PIK3C2A: variants seen among roughly 807,000 people sequenced by gnomAD.
The protein encoded by PIK3C2A is phosphatidylinositol 4-phosphate 3-kinase C2 domain-containing subunit alpha.
Under a neutral mutation model 204.5 loss-of-function variants are expected in PIK3C2A, and 97 were observed. The ratio of observed to expected loss-of-function variants is 0.47; its 90% confidence interval spans 0.40 to 0.56. PIK3C2A has a LOEUF of 0.56. Ranked by LOEUF, PIK3C2A falls within the 20% of genes least tolerant of loss-of-function variation. The pLI is 0.00. For missense variants in PIK3C2A, 1,735 were observed against 1,969.2 expected (o/e 0.88, Z 2.25); for synonymous variants, 653 against 664.4 (o/e 0.98, Z 0.26).
chr11:17,183,103 C>A (rs1414307539), intron 1 of PIK3C2A, among the ~76,000 whole-genome samples: 1 of 152,104 alleles, frequency 6.6e-6, no homozygotes. Flanking sequence ...CTTGGCTTCC[C>A]AAAGTGCTGG....
chr11:17,114,168 CT>C (rs760990389), intron 20 of PIK3C2A, among the ~76,000 whole-genome samples, 192 bp downstream of exon 20: 10 of 151,028 alleles, frequency 6.6e-5, no homozygotes, highest in African/African-American at 1.7e-4. Context: ...TAATTTTATA[CT>C]TTTTTTTTCC....
chr11:17,192,572 G>A (rs1041391760), intron 1 of PIK3C2A, among the ~76,000 whole-genome samples: 1 of 152,114 alleles, frequency 6.6e-6, no homozygotes, highest in Non-Finnish European at 1.5e-5. Context: ...TCAGCCTCCT[G>A]AGTAACTGGG....
chr11:17,136,896 T>C (rs900840708), intron 8 of PIK3C2A, among the ~76,000 whole-genome samples: 1 of 152,194 alleles, frequency 6.6e-6, no homozygotes, highest in African/African-American at 2.4e-5. Context: ...GAAGCATAAA[T>C]TAGTAGCAAA....
chr11:17,202,588 A>G (rs940477383), intron 1 of PIK3C2A, among the ~76,000 whole-genome samples: 20 of 152,126 alleles, frequency 1.3e-4, no homozygotes, highest in African/African-American at 4.8e-4. Flanking sequence ...AAAAAAAAGA[A>G]CAGAACACTG....
chr11:17,094,446 G>A (rs776856234), intron 27 of PIK3C2A, 61 bp from the exon 28 acceptor site: 35 of 1,379,440 alleles, frequency 2.5e-5, no homozygotes, highest in African/African-American at 2.9e-5. Flanking sequence ...TTTCCAGGCC[G>A]GGTGCAGTGG....
Position 17,099,910 on chromosome 11 carries a change from A to C in PIK3C2A, c.4068T>G (p.Asp1356Glu), listed in dbSNP as rs2137280857. The change falls in exon 26 of 33, where the codon GAT becomes GAG. Residue 1356 changes from aspartate to glutamate, a missense_variant. Asp to Glu is a conservative substitution (Grantham distance 45). Transcript: ENST00000691414. The stretch of plus-strand genomic sequence containing the variant: ...CGTCTGTAGTTTGGGGTTGAAGTGC[A>C]TCTCTAACGTATTTCAAATCTTGAA... ...TSIQDLKYVR[D>E]ALQPQTTDAE... 6.3e-7 allele frequency: 1 copy of C among 1,598,642 alleles called. No homozygotes were observed. Among genetic ancestry groups the C allele is most frequent in the East Asian group, 2.2e-5 (1 of 44,754 alleles).
chr11:17,112,382 T>C (rs1590920059), intron 21 of PIK3C2A, among the ~76,000 whole-genome samples, 192 bp downstream of exon 21: 1 of 151,862 alleles, frequency 6.6e-6, no homozygotes, highest in African/African-American at 2.4e-5. Context: ...GAACCCAGGA[T>C]GTGGAGGTTG....
At chr11:17,097,909 T>C (rs1230149083) in intron 26 of PIK3C2A, among the ~76,000 whole-genome samples, 1 of 152,090 alleles carries the variant, frequency 6.6e-6, no homozygotes, top group Non-Finnish European at 1.5e-5. Flanking sequence ...AGTGAGACTG[T>C]CTCCAAAAAA....
Position 17,117,487 on chromosome 11 carries a change from A to C in PIK3C2A, c.3216+4T>G, listed in dbSNP as rs375846932. ...CATTTATATTACCTTTTATGGGTAC[A>C]TACCTGTCTGGCTGATCCACTAGCC... On this transcript the variant is annotated splice_donor_region_variant and intron_variant, in intron 19 of 32. Coordinates refer to ENST00000691414, the MANE Select transcript of PIK3C2A (RefSeq NM_002645.4). 6.2e-7 allele frequency: 1 copy of C among 1,601,292 alleles called. No individual in the cohort carries two copies. Among genetic ancestry groups the C allele is most frequent in the South Asian group, 1.1e-5 (1 of 90,680 alleles).
At chr11:17,140,587 A>C (rs1850031474) in intron 8 of PIK3C2A, among the ~76,000 whole-genome samples, 1 of 152,228 alleles carries the variant, frequency 6.6e-6, no homozygotes, top group African/African-American at 2.4e-5. Flanking sequence ...ATGTACATGA[A>C]ATGTCCAGAA....
Position 17,087,105 on chromosome 11 carries a change from C to G in PIK3C2A, c.*2633G>C, listed in dbSNP as rs991140189. ...TTATCTTCAAATCCCAAAACACTGGCAAGAAGAAATAATTCTTCTGATGCA... is the reference window on the plus strand; with the variant it reads ...TTATCTTCAAATCCCAAAACACTGGGAAGAAGAAATAATTCTTCTGATGCA... On this transcript the variant is annotated 3_prime_UTR_variant, in exon 33 of 33. Transcript: ENST00000691414. 2.6e-5 allele frequency: 4 copies of G among 152,070 alleles called. No homozygotes were observed. The highest frequency in any genetic ancestry group is 9.7e-5 in the African/African-American group (4 of 41,432). The allele number at this position is 152,070 out of a possible 1,614,324, so 9.4% of individuals were successfully genotyped here.
chr11:17,164,616 T>A (rs1174936586), intron 2 of PIK3C2A, among the ~76,000 whole-genome samples: 2 of 152,176 alleles, frequency 1.3e-5, no homozygotes, highest in Non-Finnish European at 2.9e-5. Context: ...CCTGATCAAG[T>A]CATATTATTG....
At chr11:17,116,364 T>A (rs1475932718) in intron 19 of PIK3C2A, among the ~76,000 whole-genome samples, 1 of 152,130 alleles carries the variant, frequency 6.6e-6, no homozygotes, top group Admixed American at 6.5e-5. Context: ...CCCACTAGAA[T>A]GGCCATAATC....
chr11:17,195,772 G>T (rs1324292654), intron 1 of PIK3C2A, among the ~76,000 whole-genome samples: 3 of 150,922 alleles, frequency 2.0e-5, no homozygotes, highest in African/African-American at 7.3e-5. Context: ...CCGCGCGCTG[G>T]CTCACGCCTG....
At chr11:17,179,850 G>A (rs938120664) in intron 1 of PIK3C2A, among the ~76,000 whole-genome samples, 8 of 151,846 alleles carry the variant, frequency 5.3e-5, no homozygotes. Context: ...CTAGCCCTAC[G>A]TGATCTCACC....
At position 17,122,231 on chromosome 11, in the gene PIK3C2A, T is replaced by C; in HGVS notation, c.2614A>G (p.Lys872Glu). The C allele has an allele frequency of 6.4e-7, 1 of 1,563,656 alleles. No homozygotes were observed. The highest frequency in any genetic ancestry group is 8.8e-7 in the Non-Finnish European group (1 of 1,136,168). The part of the protein sequence containing the change: ...HNLETLENDI[K>E]GKLLDILHKD... The stretch of plus-strand genomic sequence containing the variant: ...TGAAGAATATCAAGAAGTTTCCCTT[T>C]TATATCATTCTCTAGTGTTTCTAAG... Residue 872 changes from lysine (K) to glutamate (E), a missense_variant, in exon 15 of 33, where the codon AAA (lysine) becomes GAA (glutamate). Physicochemically the swap from Lys to Glu is moderately conservative, Grantham distance 56. Coordinates refer to ENST00000691414, the MANE Select transcript of PIK3C2A (RefSeq NM_002645.4).
chr11:17,118,333 A>G (rs866785093), intron 18 of PIK3C2A, among the ~76,000 whole-genome samples: 17 of 152,244 alleles, frequency 1.1e-4, no homozygotes, highest in Middle Eastern at 3.4e-3. Context: ...TCAGCCTCCC[A>G]AAGTGCTGGG....
rs898894934 is a variant in PIK3C2A at position 17,097,807 on chromosome 11, G to C, written c.4119-543C>G. ...TGTGCGCCTATAATCCCAGCTACTC[G>C]GGAGGCAGAGGCAGGAGAATTGCTT... On this transcript the variant is annotated intron_variant, in intron 26 of 32. Transcript: ENST00000691414. 2.0e-5 allele frequency among the ~76,000 whole-genome samples: 3 copies of C among 152,236 alleles called. No homozygotes were observed. In the East Asian group the frequency reaches 5.8e-4, roughly 29 times the overall value.
intron 6 of PIK3C2A, 56 bp from the exon 7 acceptor site, chr11:17,145,998 T>C: frequency 8.1e-7 from 1 of 1,233,220 alleles, no homozygotes; most frequent in South Asian, 1.2e-5. Flanking sequence ...CTTTCTATTG[T>C]CAAATTAAAT....
Sources: allele counts gnomAD v4.1 joint callset (sites outside exome capture counted in the v4.1 genomes callset), GRCh38; gene constraint gnomAD v4.1.1; transcripts MANE v1.5; gene names NCBI Gene and HGNC (gene_info 2026-07-23, HGNC 2026-07-21).